HHAT: variants seen among roughly 807,000 people sequenced by gnomAD.
The protein encoded by HHAT is protein-cysteine N-palmitoyltransferase HHAT.
A neutral mutation model predicts 70.8 loss-of-function variants in HHAT; 47 were observed. The observed-to-expected ratio is 0.66, with a 90% CI of 0.53 to 0.85. The LOEUF (loss-of-function observed/expected upper bound fraction) is 0.85, where lower values mean the gene tolerates loss of function less well. Among genes scored for constraint, HHAT ranks in the 40% least tolerant of loss-of-function variants. HHAT has a pLI of 0.00. For synonymous variants in HHAT, 228 were observed against 247.6 expected (o/e 0.92, Z 0.74); for missense variants, 609 against 604.8 (o/e 1.01, Z -0.07).
At chr1:210,577,969 CTT>C (rs1658296631) in intron 9 of HHAT, among the ~76,000 whole-genome samples, 1 of 151,930 alleles carries the variant, frequency 6.6e-6, no homozygotes, top group African/African-American at 2.4e-5. Flanking sequence ...TTAATGATGT[CTT>C]TGTCTGGCTT....
At chr1:210,367,604 A>G (rs943026119) in intron 3 of HHAT, among the ~76,000 whole-genome samples, 3 of 152,186 alleles carry the variant, frequency 2.0e-5, no homozygotes, top group Non-Finnish European at 1.5e-5. Flanking sequence ...GGAAGAATGT[A>G]TTAGGGAAAT....
At chr1:210,329,356 T>TG in intron 1 of HHAT, 1 of 1,189,930 alleles carries the variant, frequency 8.4e-7, no homozygotes, top group South Asian at 4.2e-5. Flanking sequence ...CGCACGGCCC[T>TG]GCCCACGTCC....
In HHAT at chr1:210,464,497, C is replaced by T. The variant is rs1419609864; in HGVS notation, c.857-8C>T. On this transcript the variant is annotated splice_region_variant and splice_polypyrimidine_tract_variant and intron_variant, in intron 7 of 11. Coordinates refer to ENST00000261458, the MANE Select transcript of HHAT (RefSeq NM_018194.6). ...TCCATGTGTCTGACTGGTCTGTTTGCCTTTCAGGAGGACTGGCGTTAGCCC... is the reference window on the plus strand; with the variant it reads ...TCCATGTGTCTGACTGGTCTGTTTGTCTTTCAGGAGGACTGGCGTTAGCCC... The T allele has an allele frequency of 3.1e-6, 5 of 1,613,988 alleles. No homozygotes were observed. The highest frequency in any genetic ancestry group is 4.2e-6 in the Non-Finnish European group (5 of 1,179,966).
At chr1:210,666,996 C>T (rs949298734) in intron 11 of HHAT, among the ~76,000 whole-genome samples, 7 of 151,438 alleles carry the variant, frequency 4.6e-5, no homozygotes, top group African/African-American at 1.5e-4. Context: ...AGGAGAACGG[C>T]GTGAACCCGG....
At chr1:210,631,141 C>T (rs771074433) in intron 11 of HHAT, 1 of 455,770 alleles carries the variant, frequency 2.2e-6, no homozygotes, top group African/African-American at 2.0e-5. Flanking sequence ...ATAGAAAACA[C>T]CTCCGAATTG....
At chr1:210,519,826 C>CT (rs561537666) in intron 9 of HHAT, among the ~76,000 whole-genome samples, 27,151 of 127,118 alleles carry the variant, frequency 0.21, 3,235 homozygotes, top group African/African-American at 0.31. Flanking sequence ...CCACACTTGG[C>CT]TTTTTTTTTT....
intron 10 of HHAT, among the ~76,000 whole-genome samples, chr1:210,621,275 C>G (rs187558786): frequency 6.6e-6 from 1 of 152,284 alleles, no homozygotes; most frequent in Non-Finnish European, 1.5e-5. Flanking sequence ...AAAAATCACA[C>G]AGGGCCTTTG....
At chr1:210,423,888 A>G (rs1017175469) in intron 7 of HHAT, among the ~76,000 whole-genome samples, 4 of 152,066 alleles carry the variant, frequency 2.6e-5, no homozygotes, top group Non-Finnish European at 5.9e-5. Flanking sequence ...ATTCTTTTAT[A>G]TTGATCTACA....
intron 8 of HHAT, among the ~76,000 whole-genome samples, chr1:210,467,206 C>G (rs1183975163): frequency 1.3e-5 from 2 of 152,060 alleles, no homozygotes; most frequent in Non-Finnish European, 2.9e-5. Context: ...ATGGCCATTC[C>G]ATACTAAGTA....
chr1:210,566,684 A>G (rs1181084863), intron 9 of HHAT, among the ~76,000 whole-genome samples: 1 of 151,728 alleles, frequency 6.6e-6, no homozygotes, highest in Non-Finnish European at 1.5e-5. Flanking sequence ...AGATGGCCAG[A>G]CTCCAGGGGA....
chr1:210,528,885 G>C (rs2095281530), intron 9 of HHAT, among the ~76,000 whole-genome samples: 1 of 152,240 alleles, frequency 6.6e-6, no homozygotes, highest in Admixed American at 6.5e-5. Flanking sequence ...AAATCCCCAC[G>C]TGCTCATACG....
At chr1:210,330,830 T>C (rs562481423) in intron 1 of HHAT, among the ~76,000 whole-genome samples, 107 of 152,314 alleles carry the variant, frequency 7.0e-4, no homozygotes, top group African/African-American at 2.6e-3. Context: ...TTTATTTATT[T>C]GTTTTGAGAC....
At chr1:210,454,453 C>T (rs1198692691) in intron 7 of HHAT, among the ~76,000 whole-genome samples, 1 of 152,158 alleles carries the variant, frequency 6.6e-6, no homozygotes, top group African/African-American at 2.4e-5. Flanking sequence ...ACTTGAGAAT[C>T]TGAGGCAGGA....
intron 10 of HHAT, among the ~76,000 whole-genome samples, chr1:210,599,004 G>A (rs1014879559): frequency 4.6e-5 from 7 of 152,116 alleles, no homozygotes; most frequent in African/African-American, 1.4e-4. Context: ...GGTAGACTGA[G>A]AGCTGAACAT....
At chr1:210,442,701 T>G (rs1379734203) in intron 7 of HHAT, among the ~76,000 whole-genome samples, 3 of 152,224 alleles carry the variant, frequency 2.0e-5, no homozygotes, top group Non-Finnish European at 4.4e-5. Flanking sequence ...TGGGGTTGTT[T>G]GTTTCTTTCT....
chr1:210,453,806 A>G (rs375204185), intron 7 of HHAT, among the ~76,000 whole-genome samples: 2 of 152,226 alleles, frequency 1.3e-5, no homozygotes, highest in Admixed American at 1.3e-4. Flanking sequence ...AATTCAGTCT[A>G]CACATAGATT....
chr1:210,420,078 G>A (rs928200000), intron 7 of HHAT, among the ~76,000 whole-genome samples: 1 of 152,302 alleles, frequency 6.6e-6, no homozygotes, highest in Admixed American at 6.5e-5. Flanking sequence ...AATCGTAGAA[G>A]CCCTTAGTTT....
At chr1:210,504,448 C>T (rs898652125) in intron 8 of HHAT, among the ~76,000 whole-genome samples, 17 of 152,156 alleles carry the variant, frequency 1.1e-4, no homozygotes, top group African/African-American at 3.9e-4. Context: ...TAACTTTTTG[C>T]CTGTGGTCAA....
chr1:210,544,037 C>T (rs1171529960), intron 9 of HHAT, among the ~76,000 whole-genome samples: 5 of 152,152 alleles, frequency 3.3e-5, no homozygotes, highest in Non-Finnish European at 5.9e-5. Flanking sequence ...CTGTAAGATC[C>T]AAGATCTGTC....
Sources: allele counts gnomAD v4.1 joint callset (sites outside exome capture counted in the v4.1 genomes callset), GRCh38; gene constraint gnomAD v4.1.1; transcripts MANE v1.5; gene names NCBI Gene and HGNC (gene_info 2026-07-23, HGNC 2026-07-21).